The following SLC30A8 variants were observed in gnomAD, a reference collection of about 807,000 sequenced individuals.
SLC30A8 encodes solute carrier family 30 member 8.
SLC30A8 carries 27 observed loss-of-function variants against 36.9 expected under a neutral mutation model. That is an observed-to-expected ratio of 0.73 (90% CI 0.54 to 1.01). The LOEUF (loss-of-function observed/expected upper bound fraction) is 1.01, where lower values mean the gene tolerates loss of function less well. Ranked by LOEUF, SLC30A8 falls within the 50% of genes least tolerant of loss-of-function variation. The probability of loss-of-function intolerance (pLI) is 0.00; values close to 1 mark genes in which losing one functional copy is unlikely to be tolerated. For synonymous variants in SLC30A8, 164 were observed against 172.4 expected (o/e 0.95, Z 0.38); for missense variants, 439 against 452.0 (o/e 0.97, Z 0.26).
chr8:117,097,403 A>G (rs1819425202), intron 2 of SLC30A8, among the ~76,000 whole-genome samples: 2 of 123,408 alleles, frequency 1.6e-5, no homozygotes, highest in African/African-American at 6.5e-5. Flanking sequence ...TCTCAAAAAA[A>G]AAAAAAAAAA....
intron 1 of SLC30A8, among the ~76,000 whole-genome samples, chr8:117,000,052 C>T (rs1227078398): frequency 6.6e-6 from 1 of 152,138 alleles, no homozygotes; most frequent in African/African-American, 2.4e-5. Flanking sequence ...CTTCCACTTA[C>T]AGTAGAAGGA....
At chr8:117,072,276 T>A (rs1345974293) in intron 2 of SLC30A8, among the ~76,000 whole-genome samples, 2 of 152,208 alleles carry the variant, frequency 1.3e-5, no homozygotes, top group East Asian at 3.8e-4. Flanking sequence ...ATCCCACTTT[T>A]CTGAAAGCAG....
intron 4 of SLC30A8, 63 bp from the exon 5 acceptor site, chr8:117,161,675 T>G (rs1822795822): frequency 6.7e-7 from 1 of 1,502,156 alleles, no homozygotes; most frequent in African/African-American, 1.4e-5. Context: ...AGCTTCTCCA[T>G]TATGCTGCCT....
chr8:117,156,933 C>A (rs896443731), intron 3 of SLC30A8, among the ~76,000 whole-genome samples: 2 of 152,162 alleles, frequency 1.3e-5, no homozygotes, highest in Non-Finnish European at 2.9e-5. Context: ...TTGTACCTGA[C>A]CACTGACTCA....
rs549788088 is a variant in SLC30A8, at chr8:117,101,163, C to T, written c.-225-34117C>T. Among the ~76,000 whole-genome samples, 22 of 152,216 alleles carry T rather than the reference C, an allele frequency of 1.4e-4. 1 individual carries two copies. The South Asian group carries it at 4.4e-3, about 30-fold the overall frequency. On this transcript the variant is annotated intron_variant, in intron 2 of 10. Coordinates refer to the SLC30A8 transcript ENST00000427715. ...TTCCCCTACCCATGAACCCATATGG[C>T]CCCCAGGACAGAAGGATAAGATAAA...
chr8:117,028,830 A>C (rs1816950024), intron 1 of SLC30A8, among the ~76,000 whole-genome samples: 1 of 152,072 alleles, frequency 6.6e-6, no homozygotes. Flanking sequence ...AACAATTGAC[A>C]CCTTTGTCTA....
chr8:117,161,884 T>A lies in SLC30A8; in HGVS notation c.719T>A (p.Phe240Tyr), dbSNP rs751920415. 6.2e-7 allele frequency: 1 copy of A among 1,611,338 alleles called. No individual in the cohort carries two copies. The highest frequency in any genetic ancestry group is 2.2e-5 in the East Asian group (1 of 44,758). Residue 240 changes from phenylalanine to tyrosine, a missense_variant, in exon 5 of 8, where the codon TTT (phenylalanine) becomes TAT (tyrosine). Coordinates refer to ENST00000456015, the MANE Select transcript of SLC30A8 (RefSeq NM_173851.3). ...CTAATTAGTGCACTTATTATCTACT[T>A]TAAGGTGAGTTTGAGTTTACCCACC... ...SVLISALIIY[F>Y]KPEYKIADPI... is the part of the protein sequence containing the mutation.
chr8:116,964,397 A>G (rs1224081894), intron 1 of SLC30A8, among the ~76,000 whole-genome samples: 2 of 152,222 alleles, frequency 1.3e-5, no homozygotes, highest in African/African-American at 4.8e-5. Flanking sequence ...GACTTCCACA[A>G]TGGTTCCTGA....
chr8:117,001,539 C>A (rs1816011238), intron 1 of SLC30A8, among the ~76,000 whole-genome samples: 1 of 152,056 alleles, frequency 6.6e-6, no homozygotes, highest in African/African-American at 2.4e-5. Flanking sequence ...TTGCAACATG[C>A]CAAATGGCTG....
At chr8:117,055,828 T>A (rs1277333031) in intron 2 of SLC30A8, 1 of 152,128 alleles carries the variant, frequency 6.6e-6, no homozygotes, top group African/African-American at 2.4e-5. Flanking sequence ...AGTAGCTCCA[T>A]CATTCTTAGC....
chr8:117,014,617 C>A (rs1035976819), intron 1 of SLC30A8, among the ~76,000 whole-genome samples: 2 of 152,148 alleles, frequency 1.3e-5, no homozygotes, highest in African/African-American at 2.4e-5. Flanking sequence ...CGTAGTGTTA[C>A]TGAAATGGAT....
intron 2 of SLC30A8, among the ~76,000 whole-genome samples, chr8:117,071,943 C>G (rs966997075): frequency 6.6e-6 from 1 of 152,080 alleles, no homozygotes; most frequent in African/African-American, 2.4e-5. Context: ...ATCTCCCACC[C>G]TTCTCTGCCT....
chr8:117,120,683 A>G (rs1168757425), intron 2 of SLC30A8, among the ~76,000 whole-genome samples: 2 of 151,834 alleles, frequency 1.3e-5, no homozygotes, highest in African/African-American at 4.8e-5. Flanking sequence ...TACATAATAA[A>G]GGAAAATGTT....
intron 1 of SLC30A8, among the ~76,000 whole-genome samples, chr8:117,139,101 T>TA (rs1231166676): frequency 1.3e-5 from 2 of 151,936 alleles, no homozygotes; most frequent in East Asian, 1.9e-4. Context: ...GAAAAAGAGG[T>TA]AAAAAATGCC....
chr8:117,166,766 ATTTT>A (rs71305462), intron 6 of SLC30A8, among the ~76,000 whole-genome samples: 4,802 of 128,538 alleles, frequency 0.037, 66 homozygotes, highest in Non-Finnish European at 0.058. Context: ...ACATTAGCTG[ATTTT>A]TTTTTTTTTT....
chr8:116,975,627 G>A (rs570785458), intron 1 of SLC30A8, among the ~76,000 whole-genome samples: 31 of 152,344 alleles, frequency 2.0e-4, no homozygotes, highest in Middle Eastern at 3.4e-3. Flanking sequence ...ACTATCATGT[G>A]TGTTAACTGT....
intron 1 of SLC30A8, among the ~76,000 whole-genome samples, chr8:117,019,148 C>T (rs868538048): frequency 6.6e-6 from 1 of 152,118 alleles, no homozygotes; most frequent in Non-Finnish European, 1.5e-5. Flanking sequence ...ACAACAATCC[C>T]CACAGAGACT....
intron 1 of SLC30A8, among the ~76,000 whole-genome samples, chr8:117,002,854 C>T (rs369833751): frequency 2.1e-4 from 32 of 152,276 alleles, no homozygotes; most frequent in South Asian, 1.9e-3. Context: ...CTGCCTGCCT[C>T]GGCCTCCCAA....
chr8:116,999,350 G>A (rs1815930410), intron 1 of SLC30A8, among the ~76,000 whole-genome samples: 1 of 152,184 alleles, frequency 6.6e-6, no homozygotes, highest in Non-Finnish European at 1.5e-5. Flanking sequence ...TGGAAGGCAT[G>A]TAAAGGCAAC....
Sources: allele counts gnomAD v4.1 joint callset (sites outside exome capture counted in the v4.1 genomes callset), GRCh38; gene constraint gnomAD v4.1.1; transcripts MANE v1.5; gene names NCBI Gene and HGNC (gene_info 2026-07-23, HGNC 2026-07-21).